Variants in ZSWIM7 observed in about 807,000 individuals in gnomAD.
ZSWIM7 encodes zinc finger SWIM domain-containing protein 7.
Under a neutral mutation model 21.1 loss-of-function variants are expected in ZSWIM7, and 22 were observed. The ratio of observed to expected loss-of-function variants is 1.04; its 90% CI spans 0.74 to 1.49. The LOEUF (loss-of-function observed/expected upper bound fraction) is 1.49. Among genes scored for constraint, ZSWIM7 ranks in the 40% most tolerant of loss-of-function variants. ZSWIM7 has a pLI of 0.00. For missense variants in ZSWIM7, 193 were observed against 168.0 expected (o/e 1.15, Z -0.82); for synonymous variants, 67 against 66.5 (o/e 1.01, Z -0.04).
At chr17:15,986,725 TAAG>T (rs1970416058) in intron 3 of ZSWIM7, 1 of 151,990 alleles carries the variant, frequency 6.6e-6, no homozygotes, top group Non-Finnish European at 1.5e-5. Flanking sequence ...TTAGGAGAAA[TAAG>T]TTCAGGGTAT....
chr17:15,981,473 G>C (rs1050780016), intron 3 of ZSWIM7, among the ~76,000 whole-genome samples: 2 of 148,988 alleles, frequency 1.3e-5, no homozygotes, highest in Non-Finnish European at 2.9e-5. Flanking sequence ...GGAAGTGGGG[G>C]GGGGGAATCT....
intron 2 of ZSWIM7, among the ~76,000 whole-genome samples, chr17:15,993,352 A>AT (rs1381847529): frequency 2.4e-5 from 1 of 41,822 alleles, no homozygotes; most frequent in Non-Finnish European, 6.8e-5. Context: ...TTTTTATTTT[A>AT]TTTATTTATT....
intron 2 of ZSWIM7, 104 bp from the exon 3 acceptor site, chr17:15,987,472 T>A: frequency 3.9e-6 from 4 of 1,023,178 alleles, no homozygotes; most frequent in Non-Finnish European, 5.8e-6. Context: ...AAATTCATTT[T>A]AATTTTGAAA....
intron 2 of ZSWIM7, among the ~76,000 whole-genome samples, chr17:15,991,912 TTG>T (rs148866949): frequency 0.44 from 61,339 of 140,562 alleles, 14,263 homozygotes; most frequent in Middle Eastern, 0.57. Context: ...TTGTTTTTTT[TTG>T]TTTGTTTTGT....
chr17:15,984,645 C>T lies in ZSWIM7; in HGVS notation c.201+2621G>A, dbSNP rs552373077. On this transcript the variant is annotated intron_variant, in intron 3 of 4. Transcript: ENST00000399277. ...ACTCCACAGTGTCTTTGTTATTGTT[C>T]CTTGTGTTTGGTGCTTCTCTCTGAA... Among the ~76,000 whole-genome samples, 73 of 152,290 alleles carry T rather than the reference C, an allele frequency of 4.8e-4. 1 individual carries two copies. Among genetic ancestry groups the T allele is most frequent in the Non-Finnish European group, 6.9e-4 (47 of 68,022 alleles).
At chr17:15,999,324 T>G (rs1970629078) in intron 1 of ZSWIM7, 195 bp downstream of exon 1, 1 of 736,878 alleles carries the variant, frequency 1.4e-6, no homozygotes, top group Non-Finnish European at 2.3e-6. Context: ...TGAATCGATT[T>G]GACTTTTACT....
chr17:15,979,785 G>A (rs1413209210), intron 4 of ZSWIM7, among the ~76,000 whole-genome samples: 5 of 125,538 alleles, frequency 4.0e-5, no homozygotes, highest in Middle Eastern at 5.6e-3. Context: ...GCGGCTGGCC[G>A]GGCGGGGGGC....
intron 4 of ZSWIM7, chr17:15,980,335 G>C (rs1970340712): frequency 6.6e-6 from 1 of 152,292 alleles, no homozygotes; most frequent in Admixed American, 6.5e-5. Flanking sequence ...TTGCAGTTGA[G>C]ATACACTTAG....
At chr17:15,981,323 T>C (rs1443834957) in intron 3 of ZSWIM7, among the ~76,000 whole-genome samples, 179 bp from the exon 4 acceptor site, 1 of 152,086 alleles carries the variant, frequency 6.6e-6, no homozygotes. Flanking sequence ...TCTCCCTTCC[T>C]CACCTCTCAG....
At chr17:15,986,531 G>C (rs973567329) in intron 3 of ZSWIM7, among the ~76,000 whole-genome samples, 3 of 152,018 alleles carry the variant, frequency 2.0e-5, no homozygotes, top group Admixed American at 6.6e-5. Context: ...GAGGCTGAAG[G>C]GGGAGGACTG....
intron 2 of ZSWIM7, among the ~76,000 whole-genome samples, chr17:15,988,455 T>A (rs1970442542): frequency 6.6e-6 from 1 of 152,022 alleles, no homozygotes. Context: ...TCTCTGAAAA[T>A]CCCCCTTTAG....
chr17:15,993,855 GT>G (rs1970514421), intron 1 of ZSWIM7, 77 bp from the exon 2 acceptor site: 2 of 1,162,810 alleles, frequency 1.7e-6, no homozygotes. Flanking sequence ...AAAAAACACT[GT>G]AACTAAAAAC....
chr17:15,981,064 C>A lies in ZSWIM7; in HGVS notation c.282G>T (p.Val94=). The part of the protein sequence containing the change: ...YCSCPAFAFS[V]LRKSDSILCK... ...CCAGGATGCTGTCACTCTTCCGTAG[C>A]ACTGAGAATGCAAATGCAGGACATG... The change falls in exon 4 of 5, where the codon GTG becomes GTT. Residue 94 remains valine, a synonymous_variant. Transcript: ENST00000399277. 6.2e-7 allele frequency: 1 copy of A among 1,613,790 alleles called. No individual in the cohort carries two copies. The highest frequency in any genetic ancestry group is 1.1e-5 in the South Asian group (1 of 91,052).
At chr17:15,989,386 C>T (rs149587128) in intron 2 of ZSWIM7, among the ~76,000 whole-genome samples, 3 of 151,546 alleles carry the variant, frequency 2.0e-5, no homozygotes, top group East Asian at 1.9e-4. Flanking sequence ...GGCACAATCT[C>T]GGCTCACTGC....
At chr17:15,979,254 A>G (rs1486300026) in intron 4 of ZSWIM7, among the ~76,000 whole-genome samples, 1 of 151,824 alleles carries the variant, frequency 6.6e-6, no homozygotes, top group Non-Finnish European at 1.5e-5. Context: ...CCCTTAATCC[A>G]TTTAACCCTG....
chr17:15,980,942 A>ATTT, intron 4 of ZSWIM7, 98 bp downstream of exon 4: 1 of 840,280 alleles, frequency 1.2e-6, no homozygotes, highest in Non-Finnish European at 1.8e-6. Context: ...GTTTCAACAT[A>ATTT]TAATAAGATT....
At position 15,976,969 on chromosome 17, in the gene ZSWIM7, T is replaced by A. The variant is rs929959146; in HGVS notation, c.*1078A>T. ...TCTCTCGGTGTCCAACTGAGTCTCA[T>A]CGCTCTCCCTTCTAATACTCCTTCT... On this transcript the variant is annotated 3_prime_UTR_variant, in exon 5 of 5. Coordinates refer to ENST00000399277, the MANE Select transcript of ZSWIM7 (RefSeq NM_001042697.2). 4 of 152,056 alleles carry A rather than the reference T, an allele frequency of 2.6e-5. No individual in the cohort carries two copies. The allele number at this position is 152,056 out of a possible 1,614,324, so 9.4% of individuals were successfully genotyped here.
intron 3 of ZSWIM7, among the ~76,000 whole-genome samples, chr17:15,984,419 G>A (rs1276454398): frequency 2.0e-5 from 3 of 152,204 alleles, no homozygotes; most frequent in African/African-American, 7.2e-5. Context: ...CAGAAGGAGA[G>A]AGCTTTTTAA....
intron 1 of ZSWIM7, among the ~76,000 whole-genome samples, chr17:15,997,155 C>CAAA (rs61144764): frequency 1.4e-4 from 16 of 115,014 alleles, no homozygotes; most frequent in African/African-American, 4.1e-4. Flanking sequence ...CAGACTGTCT[C>CAAA]AAAAAAAAAA....
Sources: gnomAD v4.1 joint callset for allele counts (sites outside exome capture counted in the v4.1 genomes callset) on GRCh38, gnomAD v4.1.1 for gene constraint, MANE v1.5 for transcripts, NCBI Gene and HGNC (gene_info 2026-07-23, HGNC 2026-07-21) for gene names.